The following HIVEP2 variants were observed in gnomAD, a reference collection of about 807,000 sequenced individuals.
HIVEP2 encodes the protein HIVEP zinc finger 2.
HIVEP2 carries 14 observed loss-of-function variants against 180.7 expected under a neutral mutation model. The ratio of observed to expected loss-of-function variants is 0.08; its 90% CI spans 0.05 to 0.12. HIVEP2 has a LOEUF of 0.12. Among genes scored for constraint, HIVEP2 ranks in the 10% least tolerant of loss-of-function variants. The pLI, the probability that HIVEP2 is intolerant of heterozygous loss-of-function variation, is 1.00. For missense variants in HIVEP2, 2,579 were observed against 3,008.5 expected (o/e 0.86, Z 3.34); for synonymous variants, 1,184 against 1,136.4 (o/e 1.04, Z -0.84).
chr6:142,819,156 C>A (rs1315685936), intron 2 of HIVEP2, among the ~76,000 whole-genome samples: 4 of 152,012 alleles, frequency 2.6e-5, no homozygotes, highest in Non-Finnish European at 5.9e-5. Flanking sequence ...GTTGCTTGAG[C>A]CCAGGATGCA....
In HIVEP2 at chr6:142,770,597, T is replaced by C; in HGVS notation, c.4142A>G (p.Asn1381Ser). 7 of 1,614,218 alleles carry C rather than the reference T, an allele frequency of 4.3e-6. No individual in the cohort carries two copies. The highest frequency in any genetic ancestry group is 1.3e-5 in the African/African-American group (1 of 75,062). Residue 1381 changes from asparagine (N) to serine (S), a missense_variant, in exon 5 of 10, where the codon AAC (asparagine) becomes AGC (serine). By Grantham distance (46) the Asn-to-Ser change is conservative (BLOSUM62 1). Around this residue, in one of 11 missense-constraint regions of HIVEP2, gnomAD observed 523 missense variants for 577.0 expected, o/e 0.91. Transcript: ENST00000367603. The surrounding 1 kb of genome is among the most constrained non-coding windows in gnomAD (Gnocchi z 4.7). ...ENMTQRTLVT[N>S]AAMQGIGFNI... is the part of the protein sequence containing the mutation. ...GAATCCTATCCCTTGCATGGCTGCG[T>C]TGGTGACCAGTGTCCTTTGGGTCAT...
intron 1 of HIVEP2, among the ~76,000 whole-genome samples, chr6:142,933,367 C>A (rs567871010): frequency 1.3e-5 from 2 of 152,282 alleles, no homozygotes; most frequent in Non-Finnish European, 2.9e-5. Flanking sequence ...GTTAGATATA[C>A]TGTTTGGCAT....
chr6:142,756,028 C>T (rs1775057692), intron 9 of HIVEP2, among the ~76,000 whole-genome samples: 1 of 152,164 alleles, frequency 6.6e-6, no homozygotes, highest in Admixed American at 6.5e-5. Flanking sequence ...ACTTAAATCT[C>T]AGTAAGAAAA....
chr6:142,805,805 C>G (rs1175590382), intron 2 of HIVEP2, among the ~76,000 whole-genome samples: 1 of 152,104 alleles, frequency 6.6e-6, no homozygotes, highest in Non-Finnish European at 1.5e-5. Flanking sequence ...GCTTATGAAA[C>G]ACCAATATGT....
chr6:142,831,121 G>A (rs1226120566), intron 2 of HIVEP2, among the ~76,000 whole-genome samples: 3 of 152,214 alleles, frequency 2.0e-5, no homozygotes, highest in East Asian at 1.9e-4. Context: ...GCAGTGAACC[G>A]TGGAAGGGTC....
At chr6:142,788,156 G>T (rs1339502589) in intron 2 of HIVEP2, 1 of 152,094 alleles carries the variant, frequency 6.6e-6, no homozygotes, top group African/African-American at 2.4e-5. Flanking sequence ...CTTTAAATAG[G>T]ATTTCTGATT....
chr6:142,885,895 T>C (rs1178925005), intron 1 of HIVEP2, among the ~76,000 whole-genome samples: 1 of 152,196 alleles, frequency 6.6e-6, no homozygotes, highest in Non-Finnish European at 1.5e-5. Context: ...AAATAATGAT[T>C]TCTCTTCTTT....
intron 2 of HIVEP2, among the ~76,000 whole-genome samples, chr6:142,822,004 T>C (rs1393474699): frequency 6.6e-6 from 1 of 152,106 alleles, no homozygotes; most frequent in Non-Finnish European, 1.5e-5. Flanking sequence ...ATAATCAAAG[T>C]ACTCATCAAA....
At chr6:142,806,200 G>A (rs945335242) in intron 2 of HIVEP2, among the ~76,000 whole-genome samples, 6 of 152,056 alleles carry the variant, frequency 3.9e-5, no homozygotes, top group African/African-American at 1.2e-4. Flanking sequence ...GATACAAAAT[G>A]GCTTATGTTC....
chr6:142,899,635 G>A (rs554997161), intron 1 of HIVEP2, among the ~76,000 whole-genome samples: 1 of 152,328 alleles, frequency 6.6e-6, no homozygotes, highest in East Asian at 1.9e-4. Context: ...CAGAAACAAT[G>A]AGGCAAGAAT....
At chr6:142,825,898 A>G (rs1446429882) in intron 2 of HIVEP2, among the ~76,000 whole-genome samples, 2 of 152,128 alleles carry the variant, frequency 1.3e-5, no homozygotes, top group African/African-American at 2.4e-5. Context: ...AACATGCTTC[A>G]AACATATGCA....
At chr6:142,791,628 A>G (rs1045144578) in intron 2 of HIVEP2, among the ~76,000 whole-genome samples, 1 of 152,210 alleles carries the variant, frequency 6.6e-6, no homozygotes, top group African/African-American at 2.4e-5. Flanking sequence ...CATTTTTTCC[A>G]AAGCTCATAT....
At chr6:142,765,342 T>A (rs1163464420) in intron 6 of HIVEP2, among the ~76,000 whole-genome samples, 1 of 152,244 alleles carries the variant, frequency 6.6e-6, no homozygotes, top group Non-Finnish European at 1.5e-5. Context: ...ACAAAAAGCA[T>A]ACCAACATGT....
Position 142,879,565 on chromosome 6 carries a change from G to A in HIVEP2, c.-640-42518C>T, listed in dbSNP as rs143893099. On this transcript the variant is annotated intron_variant, in intron 1 of 9. Transcript: ENST00000367603. Reference sequence around the variant, plus strand: ...CTATCTCAAACTCAGATCCCCACTTGCTAATGCAAGACCCCCTTCTCTCCT... The same window carrying A: ...CTATCTCAAACTCAGATCCCCACTTACTAATGCAAGACCCCCTTCTCTCCT... Among the ~76,000 whole-genome samples, 748 of 151,994 alleles carry A rather than the reference G, an allele frequency of 4.9e-3. 9 individuals carry two copies. Among genetic ancestry groups the A allele is most frequent in the Non-Finnish European group, 6.9e-3 (466 of 67,980 alleles).
chr6:142,853,791 G>C (rs916700142), intron 1 of HIVEP2, among the ~76,000 whole-genome samples: 1 of 152,212 alleles, frequency 6.6e-6, no homozygotes, highest in African/African-American at 2.4e-5. Flanking sequence ...TTTTGTCAGG[G>C]CAGCAGTGGT....
chr6:142,854,865 A>G (rs1221338654), intron 1 of HIVEP2, among the ~76,000 whole-genome samples: 1 of 152,160 alleles, frequency 6.6e-6, no homozygotes, highest in Non-Finnish European at 1.5e-5. Context: ...CCCAGGGAAA[A>G]GTCCTACTGG....
chr6:142,930,792 G>A (rs557381767), intron 1 of HIVEP2, among the ~76,000 whole-genome samples: 2 of 152,236 alleles, frequency 1.3e-5, no homozygotes, highest in Admixed American at 1.3e-4. Flanking sequence ...GCATGTTATT[G>A]AAACAGCAGT....
At chr6:142,884,472 A>G (rs1776649179) in intron 1 of HIVEP2, among the ~76,000 whole-genome samples, 1 of 152,164 alleles carries the variant, frequency 6.6e-6, no homozygotes, top group African/African-American at 2.4e-5. Context: ...TAAAAAAAAA[A>G]GAACAAAATA....
chr6:142,792,275 A>T (rs909351545), intron 2 of HIVEP2, among the ~76,000 whole-genome samples: 7 of 152,222 alleles, frequency 4.6e-5, no homozygotes, highest in African/African-American at 1.7e-4. Context: ...AAGAATAAAG[A>T]TTAAGAAGAA....
Sources: gnomAD v4.1 joint callset for allele counts (sites outside exome capture counted in the v4.1 genomes callset) on GRCh38, gnomAD v4.1.1 for gene constraint, gnomAD v4.1.1 regional missense constraint, Gnocchi (gnomAD v3.1) non-coding constraint, MANE v1.5 for transcripts, NCBI Gene and HGNC (gene_info 2026-07-23, HGNC 2026-07-21) for gene names.